PIRT: variants seen among roughly 807,000 people sequenced by gnomAD.
PIRT encodes the protein phosphoinositide interacting regulator of transient receptor potential channels.
In PIRT, 6 loss-of-function variants were observed where a neutral mutation model predicts 7.9. The ratio of observed to expected loss-of-function variants is 0.76; its 90% CI spans 0.42 to 1.51. The LOEUF is 1.51. PIRT is among the 40% of genes most tolerant of loss of function. The pLI, the probability that PIRT is intolerant of heterozygous loss-of-function variation, is 0.01. For missense variants in PIRT, 170 were observed against 172.9 expected, an observed-to-expected ratio of 0.98 and a Z score of 0.09; for synonymous variants, 78 against 71.8, an observed-to-expected ratio of 1.09 and a Z score of -0.44.
At chr17:10,826,292 T>C (rs1398110255) in intron 1 of PIRT, among the ~76,000 whole-genome samples, 2 of 152,218 alleles carry the variant, frequency 1.3e-5, no homozygotes, top group Non-Finnish European at 1.5e-5. Context: ...GGCATTTTAT[T>C]TTCAGACCCA....
rs991367676 is a variant in PIRT at position 10,824,550 on chromosome 17, G to A, written c.*682C>T. ...CAAGCGGAAACAGTGACATCCCCTA[G>A]CCTACCCCACTGCCTCTGATGTAAA... On this transcript the variant is annotated 3_prime_UTR_variant, in exon 2 of 2. Coordinates refer to ENST00000580256, the MANE Select transcript of PIRT (RefSeq NM_001101387.2). 1 of 152,258 alleles carries A rather than the reference G, an allele frequency of 6.6e-6. No homozygotes were observed. The highest frequency in any genetic ancestry group is 1.5e-5 in the Non-Finnish European group (1 of 68,082). The allele number at this position is 152,258 out of a possible 1,614,324, so 9.4% of individuals were successfully genotyped here. A position where few individuals can be genotyped will look rare whatever the true frequency, so the allele number is the denominator to read the frequency against.
At chr17:10,827,340 G>A (rs1905347189) in intron 1 of PIRT, among the ~76,000 whole-genome samples, 1 of 152,214 alleles carries the variant, frequency 6.6e-6, no homozygotes. Context: ...CCCATGTGGA[G>A]CAATTTCAGG....
chr17:10,825,428 G>A lies in PIRT; in HGVS notation c.218C>T (p.Thr73Ile). ...CAGCTTCAAGGTGTAGGCCAAGCAGGTGATGACCACGCCGAAAAGCAGGAT... is the reference window on the plus strand; with the variant it reads ...CAGCTTCAAGGTGTAGGCCAAGCAGATGATGACCACGCCGAAAAGCAGGAT... ...GAILLFGVVI[T>I]CLAYTLKLSD... The change falls in exon 2 of 2, where the codon ACC becomes ATC. Residue 73 changes from threonine (T) to isoleucine (I), a missense_variant. By Grantham distance (89) the Thr-to-Ile change is moderately conservative. Transcript: ENST00000580256. 6.2e-7 allele frequency: 1 copy of A among 1,613,966 alleles called. No homozygotes were observed. Among genetic ancestry groups the A allele is most frequent in the Non-Finnish European group, 8.5e-7 (1 of 1,179,884 alleles).
intron 1 of PIRT, among the ~76,000 whole-genome samples, chr17:10,829,985 ATCTATCTATC>A (rs1334560062): frequency 1.3e-5 from 2 of 151,590 alleles, no homozygotes; most frequent in African/African-American, 4.8e-5. Flanking sequence ...CTATCTATCT[ATCTATCTATC>A]TATCTATCTA....
chr17:10,836,055 A>G (rs1233120734), intron 1 of PIRT, among the ~76,000 whole-genome samples: 1 of 152,098 alleles, frequency 6.6e-6, no homozygotes, highest in Admixed American at 6.5e-5. Context: ...GGTGCATGCC[A>G]CCACGCCTGC....
chr17:10,830,784 T>C (rs1259092905), intron 1 of PIRT, among the ~76,000 whole-genome samples: 1 of 152,222 alleles, frequency 6.6e-6, no homozygotes, highest in Non-Finnish European at 1.5e-5. Context: ...CCATTTTTTC[T>C]GTATACCAGG....
rs539388750 is a variant in PIRT at position 10,826,898 on chromosome 17, C to T, written c.-138-1115G>A. ...CGTGATCTCAGCTGACCGCACCCTC[C>T]GCCTCCCGGGTTCAAACGATCCTCC... On this transcript the variant is annotated intron_variant, in intron 1 of 1. Transcript: ENST00000580256. Among the ~76,000 whole-genome samples, 411 of 152,206 alleles carry T rather than the reference C, an allele frequency of 2.7e-3. 1 individual carries two copies. Among genetic ancestry groups the T allele is most frequent in the Non-Finnish European group, 3.9e-3 (262 of 68,034 alleles).
chr17:10,827,621 C>T (rs1237363570), intron 1 of PIRT, among the ~76,000 whole-genome samples: 1 of 151,392 alleles, frequency 6.6e-6, no homozygotes, highest in African/African-American at 2.4e-5. Context: ...ATTACAGGTG[C>T]CCACCACCAC....
Position 10,825,730 on chromosome 17 carries a change from C to A in PIRT, c.-85G>T. 7.5e-7 allele frequency: 1 copy of A among 1,337,810 alleles called. No homozygotes were observed. The allele number at this position is 1,337,810 out of a possible 1,614,324, so 82.9% of individuals were successfully genotyped here. Reference sequence around the variant, plus strand: ...GGAATCCTCACACACCCTTCCTGTACTCAGCATCCATCTCTAGCCCCGCTC... The same window carrying A: ...GGAATCCTCACACACCCTTCCTGTAATCAGCATCCATCTCTAGCCCCGCTC... On this transcript the variant is annotated 5_prime_UTR_variant, in exon 2 of 2. Coordinates refer to ENST00000580256, the MANE Select transcript of PIRT (RefSeq NM_001101387.2).
At position 10,822,790 on chromosome 17, in the gene PIRT, G is replaced by A. The variant is rs138281776; in HGVS notation, c.*2442C>T. ...TGGAACCTTTCCAGCCCACACTCATGTGGAGGATCCCAGTGGGGATGACGA... is the reference window on the plus strand; with the variant it reads ...TGGAACCTTTCCAGCCCACACTCATATGGAGGATCCCAGTGGGGATGACGA... On this transcript the variant is annotated 3_prime_UTR_variant, in exon 2 of 2. Transcript: ENST00000580256. The A allele has an allele frequency of 5.6e-4, 86 of 152,318 alleles. No individual in the cohort carries two copies. Among genetic ancestry groups the A allele is most frequent in the African/African-American group, 2.0e-3 (82 of 41,570 alleles). 9.4% of individuals were successfully genotyped at this position (152,318 alleles called of 1,614,324 possible).
At chr17:10,834,499 A>G (rs1905536937) in intron 1 of PIRT, among the ~76,000 whole-genome samples, 1 of 152,338 alleles carries the variant, frequency 6.6e-6, no homozygotes, top group Admixed American at 6.5e-5. Flanking sequence ...GAAATTTCCC[A>G]GGGTCGATGG....
intron 1 of PIRT, among the ~76,000 whole-genome samples, chr17:10,831,186 A>T (rs564384862): frequency 7.9e-5 from 12 of 152,204 alleles, no homozygotes; most frequent in Admixed American, 5.2e-4. Context: ...ACAAGGTAAC[A>T]CTCAGGGGGC....
chr17:10,836,149 T>G (rs1905586303), intron 1 of PIRT, among the ~76,000 whole-genome samples: 1 of 152,118 alleles, frequency 6.6e-6, no homozygotes, highest in Non-Finnish European at 1.5e-5. Flanking sequence ...GTGATCCACC[T>G]CCCTCAGCTT....
intron 1 of PIRT, among the ~76,000 whole-genome samples, chr17:10,826,120 A>G (rs1905308549): frequency 6.6e-6 from 1 of 151,914 alleles, no homozygotes; most frequent in South Asian, 2.1e-4. Flanking sequence ...CCTGCCATGA[A>G]GCCTGGCTAA....
At chr17:10,830,744 A>G (rs568903189) in intron 1 of PIRT, among the ~76,000 whole-genome samples, 2 of 152,328 alleles carry the variant, frequency 1.3e-5, no homozygotes, top group East Asian at 1.9e-4. Flanking sequence ...TAGGAGTTTT[A>G]TAACATTTTA....
At chr17:10,831,095 T>C (rs770422517) in intron 1 of PIRT, among the ~76,000 whole-genome samples, 92 of 152,194 alleles carry the variant, frequency 6.0e-4, no homozygotes, top group Non-Finnish European at 1.1e-3. Context: ...CCTCATCTTC[T>C]ACCCCATGGC....
In PIRT at chr17:10,825,119, A is replaced by T; in HGVS notation, c.*113T>A. 1 of 1,360,918 alleles carries T rather than the reference A, an allele frequency of 7.3e-7. No individual in the cohort carries two copies. Among genetic ancestry groups the T allele is most frequent in the Non-Finnish European group, 1.0e-6 (1 of 1,001,874 alleles). The allele number at this position is 1,360,918 out of a possible 1,614,324, so 84.3% of individuals were successfully genotyped here. A position where few individuals can be genotyped will look rare whatever the true frequency, so the allele number is the denominator to read the frequency against. On this transcript the variant is annotated 3_prime_UTR_variant, in exon 2 of 2. Coordinates refer to ENST00000580256, the MANE Select transcript of PIRT (RefSeq NM_001101387.2). ...CTCTATCTTCCCCACAGGGTCAGGA[A>T]GAGCATTTTCCTGGATCAGTTTTAT...
chr17:10,827,528 G>A (rs542651469), intron 1 of PIRT, among the ~76,000 whole-genome samples: 1 of 122,416 alleles, frequency 8.2e-6, no homozygotes, highest in Admixed American at 1.0e-4. Flanking sequence ...AGGCTGGAGT[G>A]CAGTGGTGCG....
At chr17:10,834,178 TAAAAAAGAA>T (rs1206846682) in intron 1 of PIRT, among the ~76,000 whole-genome samples, 5 of 148,620 alleles carry the variant, frequency 3.4e-5, no homozygotes, top group Non-Finnish European at 4.5e-5. Context: ...ATAGCAAAAA[TAAAAAAGAA>T]AAAAAAGAAA....
Sources: gnomAD v4.1 joint callset for allele counts (sites outside exome capture counted in the v4.1 genomes callset) on GRCh38, gnomAD v4.1.1 for gene constraint, MANE v1.5 for transcripts, NCBI Gene and HGNC (gene_info 2026-07-23, HGNC 2026-07-21) for gene names.